Variants in TIAM1 observed in about 807,000 individuals in gnomAD.
TIAM1 encodes the protein rho guanine nucleotide exchange factor TIAM1.
In TIAM1, 65 loss-of-function variants were observed where a neutral mutation model predicts 163.5. The observed-to-expected ratio is 0.40, with a 90% CI of 0.33 to 0.49. TIAM1 has a LOEUF of 0.49. TIAM1 is among the 20% of genes least tolerant of loss of function. The pLI, the probability that TIAM1 is intolerant of heterozygous loss-of-function variation, is 0.77. For synonymous variants in TIAM1, 833 were observed against 810.1 expected (o/e 1.03, Z -0.48); for missense variants, 1,789 against 2,044.7 (o/e 0.87, Z 2.41).
intron 19 of TIAM1, 57 bp downstream of exon 19, chr21:31,152,579 G>A (rs1601313658): frequency 2.5e-6 from 4 of 1,600,876 alleles, no homozygotes; most frequent in South Asian, 1.1e-5. Context: ...ACGATCAGGG[G>A]ATTCAACTTG....
At chr21:31,497,278 G>T (rs190579555) in intron 1 of TIAM1, among the ~76,000 whole-genome samples, 3 of 152,344 alleles carry the variant, frequency 2.0e-5, no homozygotes, top group Admixed American at 2.0e-4. Flanking sequence ...ACGCATAACT[G>T]TGTATGAAAG....
intron 2 of TIAM1, among the ~76,000 whole-genome samples, chr21:31,357,705 C>T (rs1602086361): frequency 6.6e-6 from 1 of 152,226 alleles, no homozygotes; most frequent in South Asian, 2.1e-4. Flanking sequence ...CTTAAACCCA[C>T]TCCAGTGCAT....
chr21:31,230,898 C>T (rs1478823996), intron 6 of TIAM1, among the ~76,000 whole-genome samples: 4 of 152,158 alleles, frequency 2.6e-5, no homozygotes, highest in Non-Finnish European at 5.9e-5. Flanking sequence ...AAACTCCCGA[C>T]CTCAGATGAT....
intron 1 of TIAM1, among the ~76,000 whole-genome samples, chr21:31,468,117 C>G (rs1055017851): frequency 2.0e-5 from 3 of 148,808 alleles, no homozygotes; most frequent in African/African-American, 7.4e-5. Context: ...ATAAATAAAA[C>G]GACACAGCTG....
intron 2 of TIAM1, among the ~76,000 whole-genome samples, chr21:31,400,399 G>A (rs948070963): frequency 6.6e-6 from 1 of 152,034 alleles, no homozygotes; most frequent in Non-Finnish European, 1.5e-5. Context: ...CAAAGTGCTG[G>A]GATTGCAGGC....
At chr21:31,516,082 T>C (rs1175017481) in intron 1 of TIAM1, among the ~76,000 whole-genome samples, 3 of 130,790 alleles carry the variant, frequency 2.3e-5, no homozygotes, top group East Asian at 4.4e-4. Flanking sequence ...CACTCCGGCA[T>C]GGGAGATACA....
intron 11 of TIAM1, among the ~76,000 whole-genome samples, chr21:31,204,119 A>G (rs1246227043): frequency 6.6e-6 from 1 of 152,246 alleles, no homozygotes; most frequent in Non-Finnish European, 1.5e-5. Context: ...CAGGGAAAAA[A>G]AGAAAATGCT....
At chr21:31,187,195 AGTTTGGACT>A (rs776910184) in intron 13 of TIAM1, 108 bp from the exon 14 acceptor site, 261 of 997,792 alleles carry the variant, frequency 2.6e-4, no homozygotes, top group Non-Finnish European at 3.7e-4. Flanking sequence ...TTGTCATTAT[AGTTTGGACT>A]GATTGTTTTT....
intron 2 of TIAM1, among the ~76,000 whole-genome samples, chr21:31,373,092 A>G (rs912600843): frequency 5.3e-5 from 8 of 151,890 alleles, no homozygotes; most frequent in Non-Finnish European, 1.0e-4. Flanking sequence ...AAGAAAAAGA[A>G]AGAAAAGAAA....
At chr21:31,441,676 T>C (rs1210376747) in intron 2 of TIAM1, among the ~76,000 whole-genome samples, 1 of 152,134 alleles carries the variant, frequency 6.6e-6, no homozygotes, top group Non-Finnish European at 1.5e-5. Flanking sequence ...ACAGGCTTCC[T>C]ATCTTAGACA....
intron 2 of TIAM1, among the ~76,000 whole-genome samples, chr21:31,321,437 C>A (rs1166297417): frequency 6.6e-6 from 1 of 152,146 alleles, no homozygotes; most frequent in African/African-American, 2.4e-5. Context: ...ACTGCAACCT[C>A]CGCCTCCTGG....
chr21:31,556,135 G>A (rs1366235319), intron 1 of TIAM1, among the ~76,000 whole-genome samples: 2 of 152,140 alleles, frequency 1.3e-5, no homozygotes, highest in African/African-American at 4.8e-5. Context: ...CACAACAGCA[G>A]GGGGGAAAGA....
chr21:31,245,527 G>A lies in TIAM1; in HGVS notation c.1545C>T (p.Phe515=). 6.4e-7 allele frequency: 1 copy of A among 1,555,922 alleles called. No individual in the cohort carries two copies. The highest frequency in any genetic ancestry group is 8.7e-7 in the Non-Finnish European group (1 of 1,150,222). The stretch of plus-strand genomic sequence containing the variant: ...CATCACCCAGGGAATTGCTGAGGCA[G>A]AAGACAAAGTCCTTCTTGGGGTGCT... ...VPEHPKKDFV[F]CLSNSLGDAF... Residue 515 remains phenylalanine (F), a synonymous_variant, in exon 6 of 28, where the codon TTC becomes TTT. Coordinates refer to ENST00000541036, the MANE Select transcript of TIAM1 (RefSeq NM_001353694.2).
chr21:31,313,060 A>G (rs1424480945), intron 2 of TIAM1, among the ~76,000 whole-genome samples: 1 of 152,202 alleles, frequency 6.6e-6, no homozygotes, highest in Admixed American at 6.5e-5. Context: ...GTTTCTGTGC[A>G]TAGTGTGTCC....
chr21:31,132,423 G>A (rs572060657), intron 23 of TIAM1, among the ~76,000 whole-genome samples: 50 of 152,222 alleles, frequency 3.3e-4, no homozygotes, highest in African/African-American at 5.5e-4. Context: ...ACACTGACCC[G>A]AGGAGGCCAC....
intron 2 of TIAM1, among the ~76,000 whole-genome samples, chr21:31,303,971 C>T (rs1026513995): frequency 6.6e-6 from 1 of 151,846 alleles, no homozygotes; most frequent in Non-Finnish European, 1.5e-5. Context: ...GAGTGAGACG[C>T]CATCTCAAAA....
At chr21:31,189,505 G>A (rs2085456253) in intron 13 of TIAM1, among the ~76,000 whole-genome samples, 1 of 152,186 alleles carries the variant, frequency 6.6e-6, no homozygotes. Flanking sequence ...TCTCTAATTA[G>A]TGGGGAAATC....
At chr21:31,380,965 A>C (rs2147174175) in intron 2 of TIAM1, among the ~76,000 whole-genome samples, 1 of 152,354 alleles carries the variant, frequency 6.6e-6, no homozygotes, top group East Asian at 1.9e-4. Context: ...AATGAGGAAA[A>C]TAATAGTGCT....
chr21:31,537,811 G>A (rs1279350481), intron 1 of TIAM1, among the ~76,000 whole-genome samples: 1 of 151,990 alleles, frequency 6.6e-6, no homozygotes, highest in African/African-American at 2.4e-5. Flanking sequence ...GAAAACTAGG[G>A]TATTAAGGGA....
Sources: gnomAD v4.1 joint callset for allele counts (sites outside exome capture counted in the v4.1 genomes callset) on GRCh38, gnomAD v4.1.1 for gene constraint, MANE v1.5 for transcripts, NCBI Gene and HGNC (gene_info 2026-07-23, HGNC 2026-07-21) for gene names.